The following COL21A1 variants were observed in gnomAD, a reference collection of about 807,000 sequenced individuals.
COL21A1 encodes collagen alpha-1(XXI) chain.
In COL21A1, 149 loss-of-function variants were observed where a neutral mutation model predicts 137.9. The ratio of observed to expected loss-of-function variants is 1.08; its 90% CI spans 0.95 to 1.24. The LOEUF is 1.24. Among genes scored for constraint, COL21A1 ranks in the 50% most tolerant of loss-of-function variants. The pLI is 0.00. For missense variants in COL21A1, 1,167 were observed against 1,158.4 expected, an observed-to-expected ratio of 1.01 and a Z score of -0.11; for synonymous variants, 456 against 391.5, an observed-to-expected ratio of 1.16 and a Z score of -1.95.
At chr6:56,346,740 C>T (rs906021428) in intron 1 of COL21A1, among the ~76,000 whole-genome samples, 1 of 152,140 alleles carries the variant, frequency 6.6e-6, no homozygotes, top group African/African-American at 2.4e-5. Flanking sequence ...CTCAAAATTC[C>T]ACCTCCCAGT....
intron 1 of COL21A1, among the ~76,000 whole-genome samples, chr6:56,288,583 G>A (rs368109008): frequency 6.6e-6 from 1 of 152,160 alleles, no homozygotes; most frequent in Non-Finnish European, 1.5e-5. Context: ...CAAGATACAA[G>A]AGCCAGTGAA....
intron 1 of COL21A1, among the ~76,000 whole-genome samples, chr6:56,290,474 G>T (rs995854869): frequency 6.8e-6 from 1 of 146,074 alleles, no homozygotes; most frequent in South Asian, 2.2e-4. Flanking sequence ...CTCAATTCTA[G>T]ATGCATATTA....
chr6:56,125,654 GA>G (rs1170598466), intron 13 of COL21A1, 34 bp from the exon 14 acceptor site: 2 of 1,320,962 alleles, frequency 1.5e-6, no homozygotes, highest in South Asian at 3.2e-5. Context: ...GAATATTTAA[GA>G]AATATGAATA....
intron 10 of COL21A1, among the ~76,000 whole-genome samples, chr6:56,150,467 G>C (rs889204231): frequency 6.6e-6 from 1 of 151,756 alleles, no homozygotes; most frequent in Non-Finnish European, 1.5e-5. Flanking sequence ...GCAGTGAGCC[G>C]AGAGCGCGCC....
chr6:56,099,566 T>G lies in COL21A1; in HGVS notation c.1812+1906A>C, dbSNP rs1015167162. 4.6e-5 allele frequency among the ~76,000 whole-genome samples: 7 copies of G among 152,006 alleles called. No homozygotes were observed. In the South Asian group the frequency reaches 1.5e-3, roughly 32 times the overall value. On this transcript the variant is annotated intron_variant, in intron 17 of 29. Transcript: ENST00000244728. Reference sequence around the variant, plus strand: ...ATCCTAAATTATATCCAAGCTCTCATGTCTATTATCTCTTATTTCCCTCTT... The same window carrying G: ...ATCCTAAATTATATCCAAGCTCTCAGGTCTATTATCTCTTATTTCCCTCTT...
chr6:56,368,035 TC>T (rs1441563460), intron 1 of COL21A1, among the ~76,000 whole-genome samples: 1 of 152,182 alleles, frequency 6.6e-6, no homozygotes, highest in East Asian at 1.9e-4. Flanking sequence ...TAAAGGTATA[TC>T]ATAAACACCC....
At chr6:56,131,995 T>C (rs1162373811) in intron 12 of COL21A1, among the ~76,000 whole-genome samples, 1 of 151,936 alleles carries the variant, frequency 6.6e-6, no homozygotes, top group Non-Finnish European at 1.5e-5. Context: ...TTTTTAAGAT[T>C]ATACCTCTAA....
At chr6:56,060,304 G>GA (rs1309370424) in intron 27 of COL21A1, 86 bp from the exon 28 acceptor site, 7 of 1,102,706 alleles carry the variant, frequency 6.3e-6, no homozygotes, top group Non-Finnish European at 9.0e-6. Context: ...AGTTTACAGA[G>GA]AAAAAACTAC....
At chr6:56,074,056 T>C (rs886818170) in intron 20 of COL21A1, among the ~76,000 whole-genome samples, 176 bp downstream of exon 20, 1 of 151,478 alleles carries the variant, frequency 6.6e-6, no homozygotes, top group African/African-American at 2.4e-5. Flanking sequence ...AGCTTTACTT[T>C]AGCCTGTTTC....
At chr6:56,350,090 A>T (rs1010799361) in intron 1 of COL21A1, among the ~76,000 whole-genome samples, 3 of 152,236 alleles carry the variant, frequency 2.0e-5, no homozygotes, top group Non-Finnish European at 4.4e-5. Context: ...CTGAATGCAC[A>T]TCAGCATGTT....
chr6:56,306,516 A>G (rs893405794), intron 1 of COL21A1, among the ~76,000 whole-genome samples: 6 of 152,076 alleles, frequency 3.9e-5, no homozygotes, highest in African/African-American at 1.4e-4. Flanking sequence ...CTTCCAGTTG[A>G]TCGAATTGGC....
intron 10 of COL21A1, 84 bp downstream of exon 10, chr6:56,156,803 T>G: frequency 9.2e-7 from 1 of 1,084,072 alleles, no homozygotes; most frequent in East Asian, 2.6e-5. Flanking sequence ...GCTTTCCTTG[T>G]CTGTTTAGAT....
intron 12 of COL21A1, among the ~76,000 whole-genome samples, chr6:56,133,662 A>T (rs1480368898): frequency 6.6e-5 from 10 of 152,166 alleles, no homozygotes; most frequent in Admixed American, 2.0e-4. Context: ...CTGGAGGCCT[A>T]TGAGGAAAAA....
intron 1 of COL21A1, among the ~76,000 whole-genome samples, chr6:56,220,625 A>G (rs1391341181): frequency 6.6e-6 from 1 of 152,062 alleles, no homozygotes; most frequent in Non-Finnish European, 1.5e-5. Flanking sequence ...TCCGCACTGT[A>G]CTTGAACTTA....
At chr6:56,246,651 A>G (rs1429915639) in intron 1 of COL21A1, among the ~76,000 whole-genome samples, 1 of 152,174 alleles carries the variant, frequency 6.6e-6, no homozygotes, top group Non-Finnish European at 1.5e-5. Context: ...AGGGCTCATT[A>G]AAACACAGGT....
At chr6:56,298,396 C>T (rs1473176775) in intron 1 of COL21A1, among the ~76,000 whole-genome samples, 2 of 151,954 alleles carry the variant, frequency 1.3e-5, no homozygotes, top group Admixed American at 6.6e-5. Context: ...ACTTGGGGTG[C>T]CTTTCACTGA....
chr6:56,377,661 C>G (rs1002989405), intron 1 of COL21A1, among the ~76,000 whole-genome samples: 1 of 152,080 alleles, frequency 6.6e-6, no homozygotes, highest in Non-Finnish European at 1.5e-5. Context: ...GCTGAAACTC[C>G]TAGACAAGTC....
At chr6:56,240,799 G>A (rs571742432) in intron 1 of COL21A1, among the ~76,000 whole-genome samples, 1 of 152,206 alleles carries the variant, frequency 6.6e-6, no homozygotes, top group South Asian at 2.1e-4. Context: ...CCAGCCCAGG[G>A]TCTTCTTGGC....
intron 17 of COL21A1, among the ~76,000 whole-genome samples, chr6:56,095,842 G>A (rs80309605): frequency 0.014 from 2,078 of 151,974 alleles, 21 homozygotes; most frequent in Middle Eastern, 0.031. Context: ...CATAATATTG[G>A]TTTTTTTGTT....
Sources: gnomAD v4.1 joint callset for allele counts (sites outside exome capture counted in the v4.1 genomes callset) on GRCh38, gnomAD v4.1.1 for gene constraint, MANE v1.5 for transcripts, NCBI Gene and HGNC (gene_info 2026-07-23, HGNC 2026-07-21) for gene names.